Variants in CAMTA1 observed in about 807,000 individuals in gnomAD.
The protein encoded by CAMTA1 is calmodulin binding transcription activator 1.
In CAMTA1, 27 loss-of-function variants were observed where a neutral mutation model predicts 170.9. The ratio of observed to expected loss-of-function variants is 0.16; its 90% CI spans 0.12 to 0.22. The LOEUF is 0.22. Among genes scored for constraint, CAMTA1 ranks in the 10% least tolerant of loss-of-function variants. The probability of loss-of-function intolerance (pLI) is 1.00; values close to 1 mark genes in which losing one functional copy is unlikely to be tolerated. For missense variants in CAMTA1, 1,619 were observed against 2,217.2 expected, an observed-to-expected ratio of 0.73 and a Z score of 5.42; for synonymous variants, 833 against 891.5, an observed-to-expected ratio of 0.93 and a Z score of 1.17.
intron 3 of CAMTA1, among the ~76,000 whole-genome samples, chr1:6,997,922 G>T (rs1697572520): frequency 6.6e-6 from 1 of 151,404 alleles, no homozygotes; most frequent in South Asian, 2.1e-4. Context: ...GCCTCCCAGT[G>T]TGCTGGGATT....
At chr1:7,340,958 C>T (rs997311873) in intron 5 of CAMTA1, among the ~76,000 whole-genome samples, 10 of 152,184 alleles carry the variant, frequency 6.6e-5, no homozygotes, top group African/African-American at 2.4e-4. Flanking sequence ...TATTCATAAG[C>T]CTAGGCTGTA....
rs12724617 is a variant in CAMTA1 at position 7,548,899 on chromosome 1, G to A, written c.510+80998G>A. ...GGAGGGTGCCCCCTTAGGGGTGGAA[G>A]TGCCCATGCAGGGTGCCCCTTAGGA... On this transcript the variant is annotated intron_variant, in intron 6 of 22. Transcript: ENST00000303635. Among the ~76,000 whole-genome samples, 205 of 58,638 alleles carry A rather than the reference G, an allele frequency of 3.5e-3. 7 individuals carry two copies. The highest frequency in any genetic ancestry group is 6.0e-3 in the South Asian group (6 of 1,004). The allele number at this position is 58,638 out of a possible 152,430, so 38.5% of individuals were successfully genotyped here. A position where few individuals can be genotyped will look rare whatever the true frequency, so the allele number is the denominator to read the frequency against.
chr1:7,533,837 C>T (rs565460124), intron 6 of CAMTA1, among the ~76,000 whole-genome samples: 39 of 152,138 alleles, frequency 2.6e-4, no homozygotes, highest in Non-Finnish European at 4.7e-4. Flanking sequence ...CTCTTGAACC[C>T]TGGGAGGCAG....
rs139263692 is a variant in CAMTA1 at position 7,486,129 on chromosome 1, C to T, written c.510+18228C>T. On this transcript the variant is annotated intron_variant, in intron 6 of 22. Coordinates refer to ENST00000303635, the MANE Select transcript of CAMTA1 (RefSeq NM_015215.4). ...AGAGACATGCAACTGCTCCTCAATT[C>T]GGTGTGACAGTTTGCAGAATGGCCA... is the stretch of plus-strand genomic sequence containing the variant. 6.0e-3 allele frequency among the ~76,000 whole-genome samples: 907 copies of T among 152,302 alleles called. 6 individuals are homozygous for T. Among genetic ancestry groups the T allele is most frequent in the Middle Eastern group, 0.027 (8 of 294 alleles).
At chr1:6,915,070 C>T (rs1396919807) in intron 3 of CAMTA1, among the ~76,000 whole-genome samples, 1 of 152,120 alleles carries the variant, frequency 6.6e-6, no homozygotes, top group Non-Finnish European at 1.5e-5. Flanking sequence ...TCTTACGGGC[C>T]TCAGGCTTAA....
In CAMTA1 at chr1:7,556,002, G is replaced by C. The variant is rs150623635; in HGVS notation, c.511-84398G>C. ...TACTCATAGATCCCATGAGGAGGGG[G>C]CAGGCCACGTCACACAGGACCACTT... On this transcript the variant is annotated intron_variant, in intron 6 of 22. Transcript: ENST00000303635. Among the ~76,000 whole-genome samples the C allele has an allele frequency of 3.5e-3, 527 of 152,320 alleles. 3 individuals carry two copies. Among genetic ancestry groups the C allele is most frequent in the African/African-American group, 0.012 (509 of 41,568 alleles).
chr1:6,813,512 G>T (rs1645428626), intron 1 of CAMTA1, among the ~76,000 whole-genome samples: 1 of 149,744 alleles, frequency 6.7e-6, no homozygotes, highest in African/African-American at 2.5e-5. Context: ...GTTTAAAGTA[G>T]CTTTTATCAT....
intron 4 of CAMTA1, among the ~76,000 whole-genome samples, chr1:7,140,387 C>G (rs1645822383): frequency 6.6e-6 from 1 of 152,148 alleles, no homozygotes; most frequent in South Asian, 2.1e-4. Flanking sequence ...AAGAGACTGT[C>G]TCCAGAGTAA....
intron 6 of CAMTA1, among the ~76,000 whole-genome samples, chr1:7,537,430 C>A (rs1312134302): frequency 1.3e-5 from 2 of 152,192 alleles, no homozygotes; most frequent in East Asian, 3.9e-4. Flanking sequence ...AGGCCCCTGC[C>A]CGAGCAACAG....
intron 6 of CAMTA1, among the ~76,000 whole-genome samples, chr1:7,508,310 C>A (rs897458611): frequency 6.6e-6 from 1 of 152,212 alleles, no homozygotes; most frequent in African/African-American, 2.4e-5. Context: ...CTGCATCCCA[C>A]ACCCGTCGGA....
chr1:7,542,878 TG>T (rs2094633649), intron 6 of CAMTA1, among the ~76,000 whole-genome samples: 2 of 141,272 alleles, frequency 1.4e-5, no homozygotes, highest in African/African-American at 6.0e-5. Context: ...TGTGTGTGTG[TG>T]TTTGAGCCGG....
At chr1:6,793,707 A>G (rs925551303) in intron 1 of CAMTA1, among the ~76,000 whole-genome samples, 7 of 152,184 alleles carry the variant, frequency 4.6e-5, no homozygotes, top group African/African-American at 1.7e-4. Flanking sequence ...GTATTCTTTC[A>G]ACGTAGAGAG....
chr1:7,139,625 T>C (rs932671002), intron 4 of CAMTA1, among the ~76,000 whole-genome samples: 7 of 152,194 alleles, frequency 4.6e-5, no homozygotes, highest in Non-Finnish European at 8.8e-5. Flanking sequence ...CCTGTCTGTC[T>C]GCAGCCTTGC....
chr1:7,296,505 T>G (rs1041336482), intron 5 of CAMTA1, among the ~76,000 whole-genome samples: 6 of 152,106 alleles, frequency 3.9e-5, no homozygotes, highest in Non-Finnish European at 8.8e-5. Context: ...TGGGAATACA[T>G]TTTGAAGAGA....
chr1:7,282,577 C>T (rs1382534153), intron 5 of CAMTA1, among the ~76,000 whole-genome samples: 1 of 152,114 alleles, frequency 6.6e-6, no homozygotes, highest in African/African-American at 2.4e-5. Flanking sequence ...CTTCCTTGAC[C>T]TAGAAATCTG....
chr1:7,665,895 C>G lies in CAMTA1; in HGVS notation c.2652+696C>G, dbSNP rs1348638660. Among the ~76,000 whole-genome samples, 1 of 152,108 alleles carries G rather than the reference C, an allele frequency of 6.6e-6. No individual in the cohort carries two copies. The highest frequency in any genetic ancestry group is 2.4e-5 in the African/African-American group (1 of 41,442). ...TTCAAAAGTCACCATTGGCCGGGCT[C>G]AGTGGCTCATGCCCATAATCCCAGC... On this transcript the variant is annotated intron_variant, in intron 9 of 22. Transcript: ENST00000303635. The surrounding 1 kb of genome is among the most constrained non-coding windows in gnomAD (Gnocchi z 4.3).
chr1:7,181,800 A>G (rs946428149), intron 4 of CAMTA1, among the ~76,000 whole-genome samples: 4 of 151,892 alleles, frequency 2.6e-5, no homozygotes, highest in African/African-American at 9.7e-5. Context: ...TAATTTATGA[A>G]TTTAACATAA....
Position 7,417,545 on chromosome 1 carries a change from G to A in CAMTA1, c.439-50285G>A, listed in dbSNP as rs540419455. Reference sequence around the variant, plus strand: ...TCAGACTGCTGTGCTAGCAATCAGCGAGACTCCATGGGCGTAGGACCCTCT... The same window carrying A: ...TCAGACTGCTGTGCTAGCAATCAGCAAGACTCCATGGGCGTAGGACCCTCT... On this transcript the variant is annotated intron_variant, in intron 5 of 22. Coordinates refer to ENST00000303635, the MANE Select transcript of CAMTA1 (RefSeq NM_015215.4). Among the ~76,000 whole-genome samples the A allele has an allele frequency of 9.2e-5, 14 of 152,328 alleles. No homozygotes were observed. The East Asian group carries it at 2.7e-3, about 29-fold the overall frequency.
intron 6 of CAMTA1, among the ~76,000 whole-genome samples, chr1:7,596,926 T>C (rs1001744554): frequency 4.4e-5 from 6 of 136,366 alleles, no homozygotes; most frequent in African/African-American, 1.6e-4. Context: ...TGAGCAGAAC[T>C]GATGCCCTTG....
Sources: gnomAD v4.1 joint callset for allele counts (sites outside exome capture counted in the v4.1 genomes callset) on GRCh38, gnomAD v4.1.1 for gene constraint, Gnocchi (gnomAD v3.1) non-coding constraint, MANE v1.5 for transcripts, NCBI Gene and HGNC (gene_info 2026-07-23, HGNC 2026-07-21) for gene names.